FBXW4: variants seen among roughly 807,000 people sequenced by gnomAD.
The protein encoded by FBXW4 is F-box/WD repeat-containing protein 4.
A neutral mutation model predicts 61.8 loss-of-function variants in FBXW4; 40 were observed. That is an observed-to-expected ratio of 0.65 (90% confidence interval 0.50 to 0.84). The LOEUF (loss-of-function observed/expected upper bound fraction) is 0.84, where lower values mean the gene tolerates loss of function less well. FBXW4 is among the 40% of genes least tolerant of loss of function. The pLI is 0.00. For missense variants in FBXW4, 672 were observed against 753.8 expected, an observed-to-expected ratio of 0.89 and a Z score of 1.27; for synonymous variants, 311 against 313.8, an observed-to-expected ratio of 0.99 and a Z score of 0.10.
rs1252308336 is a variant in FBXW4 at position 101,612,317 on chromosome 10, T to A, written c.1442+20A>T. On this transcript the variant is annotated intron_variant, in intron 7 of 8. Transcript: ENST00000331272. The stretch of plus-strand genomic sequence containing the variant: ...GGTGCAGGGCCCCCACCACCTGTCC[T>A]CCCTGCCCAGCACACTCACCGGACG... 2 of 1,529,400 alleles carry A rather than the reference T, an allele frequency of 1.3e-6. No homozygotes were observed. Among genetic ancestry groups the A allele is most frequent in the Non-Finnish European group, 1.8e-6 (2 of 1,132,638 alleles). The allele number at this position is 1,529,400 out of a possible 1,614,324, so 94.7% of individuals were successfully genotyped here. A position where few individuals can be genotyped will look rare whatever the true frequency, so the allele number is the denominator to read the frequency against.
intron 1 of FBXW4, among the ~76,000 whole-genome samples, chr10:101,692,558 C>A (rs1289249978): frequency 2.0e-5 from 3 of 151,568 alleles, no homozygotes; most frequent in Admixed American, 6.6e-5. Flanking sequence ...CAGTTCGAGA[C>A]CAACCTGACC....
chr10:101,671,705 G>T (rs1347525099), intron 4 of FBXW4, among the ~76,000 whole-genome samples: 1 of 152,202 alleles, frequency 6.6e-6, no homozygotes, highest in African/African-American at 2.4e-5. Flanking sequence ...CTTTTGAGCA[G>T]TATAACAGGT....
chr10:101,648,726 C>T (rs1006452020), intron 5 of FBXW4, among the ~76,000 whole-genome samples: 6 of 152,194 alleles, frequency 3.9e-5, no homozygotes, highest in Admixed American at 6.5e-5. Flanking sequence ...CAGACCTTTA[C>T]CCTGTGTCTG....
chr10:101,652,230 A>G (rs1015841350), intron 5 of FBXW4, among the ~76,000 whole-genome samples: 15 of 152,150 alleles, frequency 9.9e-5, no homozygotes, highest in African/African-American at 3.1e-4. Context: ...TAAAAAAAAA[A>G]AAGTTTTCAG....
chr10:101,681,304 C>A (rs2064471930), intron 1 of FBXW4, among the ~76,000 whole-genome samples: 1 of 151,610 alleles, frequency 6.6e-6, no homozygotes, highest in South Asian at 2.1e-4. Flanking sequence ...AAGAGAATTG[C>A]TTGAACCTGA....
chr10:101,669,489 AG>A (rs1032282313), intron 4 of FBXW4, among the ~76,000 whole-genome samples: 1 of 152,234 alleles, frequency 6.6e-6, no homozygotes, highest in African/African-American at 2.4e-5. Flanking sequence ...CTCCACGGAA[AG>A]GGAAGGTTGA....
rs1443329614 is a variant in FBXW4 at position 101,634,881 on chromosome 10, C to T, written c.1236-10071G>A. Among the ~76,000 whole-genome samples, 3 of 149,296 alleles carry T rather than the reference C, an allele frequency of 2.0e-5. No homozygotes were observed. In the South Asian group the frequency reaches 6.3e-4, roughly 31 times the overall value. The stretch of plus-strand genomic sequence containing the variant: ...TGAAGCCATGAAGGTAGTGATCAGA[C>T]AGACCTAACCTACAAATAACAAAAA... On this transcript the variant is annotated intron_variant, in intron 5 of 8. Transcript: ENST00000331272.
chr10:101,623,472 C>G (rs1303283281), intron 6 of FBXW4, among the ~76,000 whole-genome samples: 7 of 152,124 alleles, frequency 4.6e-5, no homozygotes, highest in Non-Finnish European at 4.4e-5. Context: ...AATTGGATCT[C>G]TCATACATTG....
In FBXW4 at chr10:101,695,084, C is replaced by G. The variant is rs2134933830; in HGVS notation, c.22G>C (p.Gly8Arg). The G allele has an allele frequency of 1.0e-6, 1 of 988,202 alleles. No homozygotes were observed. The highest frequency in any genetic ancestry group is 1.1e-4 in the East Asian group (1 of 8,918). The allele number at this position is 988,202 out of a possible 1,614,324, so 61.2% of individuals were successfully genotyped here. Residue 8 changes from glycine to arginine, a missense_variant, in exon 1 of 9, where the codon GGG becomes CGG. Physicochemically the swap from Gly to Arg is moderately radical, Grantham distance 125 (BLOSUM62 -2). Transcript: ENST00000331272. The surrounding 1 kb of genome is among the most constrained non-coding windows in gnomAD (Gnocchi z 4.2). The stretch of plus-strand genomic sequence containing the variant: ...CCGGGCCCGCCGTTCCCGGGGGGCC[C>G]CGAGCGGCCCTGGCTGCCCATGAGC... Reference protein sequence around the residue: MGSQGRSGPPGNGGPGEG... With the variant: MGSQGRSRPPGNGGPGEG...
At chr10:101,692,670 G>A (rs551800157) in intron 1 of FBXW4, among the ~76,000 whole-genome samples, 2 of 144,550 alleles carry the variant, frequency 1.4e-5, no homozygotes, top group African/African-American at 2.6e-5. Context: ...CAGGAGAACC[G>A]CTTGAACCCA....
intron 5 of FBXW4, among the ~76,000 whole-genome samples, chr10:101,660,601 T>C (rs2064233474): frequency 6.6e-6 from 1 of 152,162 alleles, no homozygotes; most frequent in Admixed American, 6.5e-5. Flanking sequence ...CACTTTGGGA[T>C]GTGATTGCTA....
chr10:101,639,835 T>C (rs1197869958), intron 5 of FBXW4, among the ~76,000 whole-genome samples: 1 of 152,248 alleles, frequency 6.6e-6, no homozygotes, highest in Admixed American at 6.5e-5. Context: ...CTGGTTCAGC[T>C]AGTCCCAAGG....
intron 1 of FBXW4, among the ~76,000 whole-genome samples, chr10:101,687,541 T>C (rs2064546246): frequency 6.6e-6 from 1 of 152,182 alleles, no homozygotes; most frequent in African/African-American, 2.4e-5. Context: ...CCCTAACATG[T>C]AACTATTAAA....
At chr10:101,628,016 A>T (rs1176130815) in intron 5 of FBXW4, 11 of 984,614 alleles carry the variant, frequency 1.1e-5, no homozygotes, top group Non-Finnish European at 1.3e-5. Flanking sequence ...GATGTCTTCA[A>T]CCAGATTCTC....
intron 5 of FBXW4, among the ~76,000 whole-genome samples, chr10:101,633,437 G>A (rs1358960172): frequency 6.6e-6 from 1 of 152,130 alleles, no homozygotes; most frequent in Non-Finnish European, 1.5e-5. Flanking sequence ...TCACACACCA[G>A]GGCCTGTTAG....
chr10:101,668,443 T>C lies in FBXW4; in HGVS notation c.1141-463A>G, dbSNP rs377096120. Among the ~76,000 whole-genome samples the C allele has an allele frequency of 4.6e-5, 7 of 152,020 alleles. No individual in the cohort carries two copies. The South Asian group carries it at 1.2e-3, about 27-fold the overall frequency. On this transcript the variant is annotated intron_variant, in intron 4 of 8. Transcript: ENST00000331272. Reference sequence around the variant, plus strand: ...ACAGCAATAGAATTAGGGAGAGAAGTAAAAAGAAACATGCAAGGGAAGGAA... The same window carrying C: ...ACAGCAATAGAATTAGGGAGAGAAGCAAAAAGAAACATGCAAGGGAAGGAA...
At chr10:101,612,202 C>T (rs968221062) in intron 7 of FBXW4, 135 bp downstream of exon 7, 3 of 1,079,812 alleles carry the variant, frequency 2.8e-6, no homozygotes, top group African/African-American at 3.2e-5. Context: ...AGTCTAGTGA[C>T]CTTGCAGGCC....
intron 4 of FBXW4, among the ~76,000 whole-genome samples, chr10:101,672,427 C>A (rs754184210): frequency 9.9e-5 from 15 of 152,180 alleles, no homozygotes; most frequent in Non-Finnish European, 2.1e-4. Flanking sequence ...AAACAACACC[C>A]CTCTCTCATC....
At chr10:101,652,250 G>C (rs2064151519) in intron 5 of FBXW4, among the ~76,000 whole-genome samples, 1 of 152,014 alleles carries the variant, frequency 6.6e-6, no homozygotes, top group South Asian at 2.1e-4. Context: ...GACAGCCATA[G>C]CTGCCCAAGC....
Sources: gnomAD v4.1 joint callset for allele counts (sites outside exome capture counted in the v4.1 genomes callset) on GRCh38, gnomAD v4.1.1 for gene constraint, Gnocchi (gnomAD v3.1) non-coding constraint, MANE v1.5 for transcripts, NCBI Gene and HGNC (gene_info 2026-07-23, HGNC 2026-07-21) for gene names.